The following PPHLN1 variants were observed in gnomAD, a reference collection of about 807,000 sequenced individuals.
PPHLN1 encodes the protein periphilin 1.
PPHLN1 carries 29 observed loss-of-function variants against 51.3 expected under a neutral mutation model. The observed-to-expected ratio is 0.57, with a 90% CI of 0.42 to 0.77. The LOEUF (loss-of-function observed/expected upper bound fraction) is 0.77. Ranked by LOEUF, PPHLN1 falls within the 30% of genes least tolerant of loss-of-function variation. The pLI is 0.00. For synonymous variants in PPHLN1, 147 were observed against 147.8 expected, an observed-to-expected ratio of 0.99 and a Z score of 0.04; for missense variants, 436 against 438.4, an observed-to-expected ratio of 0.99 and a Z score of 0.05.
chr12:42,357,537 G>A (rs932615427), intron 4 of PPHLN1, among the ~76,000 whole-genome samples: 4 of 152,088 alleles, frequency 2.6e-5, no homozygotes, highest in Non-Finnish European at 5.9e-5. Context: ...TAAATAGTGT[G>A]CTGGGACAAA....
chr12:42,335,689 T>TTC (rs1388605247), intron 1 of PPHLN1, among the ~76,000 whole-genome samples, 194 bp from the exon 2 acceptor site: 1 of 138,008 alleles, frequency 7.2e-6, no homozygotes, highest in Non-Finnish European at 1.5e-5. Context: ...CTTTCCGTGT[T>TTC]TTTTTTTTTT....
At chr12:42,441,189 A>C (rs2082921189) in intron 9 of PPHLN1, 126 bp from the exon 10 acceptor site, 2 of 1,322,442 alleles carry the variant, frequency 1.5e-6, no homozygotes, top group East Asian at 4.9e-5. Flanking sequence ...AGGGCGAGAA[A>C]GGTTCCGCTT....
chr12:42,351,326 G>A (rs2073324668), intron 2 of PPHLN1: 1 of 152,100 alleles, frequency 6.6e-6, no homozygotes, highest in Non-Finnish European at 1.5e-5. Flanking sequence ...CCAGTACTTT[G>A]AAAATTAGTT....
chr12:42,446,760 C>T (rs563493299), downstream of PPHLN1: 29 of 1,089,824 alleles, frequency 2.7e-5, no homozygotes, highest in Middle Eastern at 3.2e-4. Flanking sequence ...ATTGGAAGGT[C>T]GGGAGGTTTT....
intron 4 of PPHLN1, chr12:42,359,568 C>G (rs2074398177): frequency 6.6e-6 from 1 of 152,206 alleles, no homozygotes; most frequent in Non-Finnish European, 1.5e-5. Context: ...TGGCATCTAT[C>G]TGGCTTCTGT....
chr12:42,431,616 A>C, intron 9 of PPHLN1: 1 of 731,652 alleles, frequency 1.4e-6, no homozygotes. Flanking sequence ...TTGTACAAGC[A>C]CTGTTGTAAA....
intron 2 of PPHLN1, among the ~76,000 whole-genome samples, chr12:42,342,740 G>T (rs2071682778): frequency 1.3e-5 from 2 of 152,196 alleles, no homozygotes; most frequent in Admixed American, 1.3e-4. Flanking sequence ...TGCATTAAAA[G>T]ATTTTTCTGG....
intron 9 of PPHLN1, among the ~76,000 whole-genome samples, chr12:42,425,961 C>T (rs1459632773): frequency 1.3e-5 from 2 of 152,060 alleles, no homozygotes; most frequent in Non-Finnish European, 2.9e-5. Context: ...TGAAAATGTC[C>T]CATTTCAACC....
At chr12:42,395,005 T>G (rs2078070968) in intron 8 of PPHLN1, among the ~76,000 whole-genome samples, 1 of 152,164 alleles carries the variant, frequency 6.6e-6, no homozygotes, top group South Asian at 2.1e-4. Flanking sequence ...ATTAATAGTA[T>G]ATTTATCCTC....
At chr12:42,327,184 C>G (rs550693770) in intron 1 of PPHLN1, among the ~76,000 whole-genome samples, 1 of 152,310 alleles carries the variant, frequency 6.6e-6, no homozygotes, top group South Asian at 2.1e-4. Flanking sequence ...TGCTTTCTTT[C>G]GACTTAGGCT....
At chr12:42,388,850 G>A (rs1244296084) in intron 7 of PPHLN1, among the ~76,000 whole-genome samples, 2 of 152,212 alleles carry the variant, frequency 1.3e-5, no homozygotes, top group African/African-American at 4.8e-5. Context: ...GCTGAGGTGA[G>A]AGGATCACTT....
At chr12:42,407,279 G>T (rs992297450) in intron 9 of PPHLN1, among the ~76,000 whole-genome samples, 5 of 152,198 alleles carry the variant, frequency 3.3e-5, no homozygotes, top group Admixed American at 6.5e-5. Context: ...TTGTAGTTCA[G>T]CTGGCAGCCA....
intron 4 of PPHLN1, among the ~76,000 whole-genome samples, chr12:42,365,875 G>A (rs1284161697): frequency 1.2e-4 from 18 of 152,080 alleles, no homozygotes; most frequent in Admixed American, 1.1e-3. Flanking sequence ...TTTCTTCAAA[G>A]GCCCTTTTTG....
chr12:42,446,299 C>A, downstream of PPHLN1: 1 of 1,562,682 alleles, frequency 6.4e-7, no homozygotes. Context: ...AGGTATTGGT[C>A]CTTTTTATTC....
chr12:42,424,299 A>G (rs1210003965), intron 9 of PPHLN1, among the ~76,000 whole-genome samples: 1 of 152,202 alleles, frequency 6.6e-6, no homozygotes, highest in Non-Finnish European at 1.5e-5. Flanking sequence ...GAAAATTTGC[A>G]GGGTTTCTCA....
chr12:42,327,967 A>AT (rs1475429568), intron 1 of PPHLN1, among the ~76,000 whole-genome samples: 2 of 152,196 alleles, frequency 1.3e-5, no homozygotes, highest in Middle Eastern at 6.8e-3. Context: ...TGGAAATACC[A>AT]TTTTTTAAAA....
intron 4 of PPHLN1, 29 bp downstream of exon 4, chr12:42,355,251 A>G (rs1489898993): frequency 1.9e-6 from 3 of 1,576,022 alleles, no homozygotes; most frequent in Non-Finnish European, 2.6e-6. Context: ...TAGCATAAGT[A>G]CTTTGATACT....
downstream of PPHLN1, chr12:42,446,367 T>G: frequency 6.6e-7 from 1 of 1,503,928 alleles, no homozygotes. Context: ...TTTCTAAATC[T>G]GCCTTTTTTC....
At chr12:42,361,258 T>A (rs1487939324) in intron 4 of PPHLN1, 2 of 152,352 alleles carry the variant, frequency 1.3e-5, no homozygotes, top group Non-Finnish European at 2.9e-5. Flanking sequence ...AAGAAAGTCC[T>A]CACTGGACAC....
Sources: gnomAD v4.1 joint callset for allele counts (sites outside exome capture counted in the v4.1 genomes callset) on GRCh38, gnomAD v4.1.1 for gene constraint, MANE v1.5 for transcripts, NCBI Gene and HGNC (gene_info 2026-07-23, HGNC 2026-07-21) for gene names.